The following SLIT2 variants were observed in gnomAD, a reference collection of about 807,000 sequenced individuals.
SLIT2 encodes slit homolog 2 protein.
SLIT2 carries 41 observed loss-of-function variants against 185.7 expected under a neutral mutation model. The ratio of observed to expected loss-of-function variants is 0.22; its 90% confidence interval spans 0.17 to 0.29. SLIT2 has a LOEUF of 0.29. Ranked by LOEUF, SLIT2 falls within the 10% of genes least tolerant of loss-of-function variation. SLIT2 has a pLI of 1.00. For synonymous variants in SLIT2, 693 were observed against 680.2 expected (o/e 1.02, Z -0.29); for missense variants, 1,571 against 1,909.0 (o/e 0.82, Z 3.30).
chr4:20,490,148 T>C (rs1016497151), intron 8 of SLIT2, among the ~76,000 whole-genome samples: 9 of 152,176 alleles, frequency 5.9e-5, no homozygotes, highest in African/African-American at 2.2e-4. Flanking sequence ...CTGTGTCTAA[T>C]ATCAATCAAT....
intron 4 of SLIT2, among the ~76,000 whole-genome samples, chr4:20,277,109 C>A (rs1023215806): frequency 1.2e-4 from 19 of 152,072 alleles, no homozygotes; most frequent in African/African-American, 4.6e-4. Flanking sequence ...AACACCAAGA[C>A]TTTTATTACC....
chr4:20,582,401 A>G (rs1381524929), intron 29 of SLIT2, among the ~76,000 whole-genome samples: 1 of 152,186 alleles, frequency 6.6e-6, no homozygotes, highest in African/African-American at 2.4e-5. Context: ...AATTTTATGC[A>G]TATAGTAGTC....
intron 4 of SLIT2, among the ~76,000 whole-genome samples, chr4:20,449,296 A>C (rs1298663022): frequency 6.6e-6 from 1 of 152,146 alleles, no homozygotes; most frequent in Non-Finnish European, 1.5e-5. Context: ...TGCCCATGGG[A>C]AATTATTGAA....
At chr4:20,524,719 A>G (rs1463458201) in intron 14 of SLIT2, among the ~76,000 whole-genome samples, 2 of 152,222 alleles carry the variant, frequency 1.3e-5, no homozygotes, top group Non-Finnish European at 2.9e-5. Flanking sequence ...TCCAAAAGCT[A>G]TTTTTAAAAA....
chr4:20,473,929 T>G (rs898791365), intron 5 of SLIT2, among the ~76,000 whole-genome samples: 4 of 152,078 alleles, frequency 2.6e-5, no homozygotes. Context: ...TTTTTCTGTT[T>G]AGTTCATTGG....
chr4:20,316,787 G>A (rs1718628756), intron 4 of SLIT2, among the ~76,000 whole-genome samples: 1 of 148,976 alleles, frequency 6.7e-6, no homozygotes, highest in Middle Eastern at 3.5e-3. Flanking sequence ...GTATATTTGG[G>A]TAGCATTATT....
At chr4:20,617,694 G>A (rs1729785842) in intron 36 of SLIT2, 44 bp downstream of exon 36, 3 of 1,264,114 alleles carry the variant, frequency 2.4e-6, no homozygotes, top group East Asian at 2.5e-5. Flanking sequence ...GGCAAAGCAA[G>A]AGGGGTCCCA....
intron 4 of SLIT2, among the ~76,000 whole-genome samples, chr4:20,369,548 T>G (rs1405604937): frequency 6.6e-6 from 1 of 152,110 alleles, no homozygotes; most frequent in Non-Finnish European, 1.5e-5. Flanking sequence ...CGGAAAACGT[T>G]TGCCAGCCCC....
At chr4:20,453,812 T>C (rs1712747518) in intron 4 of SLIT2, among the ~76,000 whole-genome samples, 1 of 152,190 alleles carries the variant, frequency 6.6e-6, no homozygotes, top group African/African-American at 2.4e-5. Flanking sequence ...CCAAGCATTG[T>C]ACAAGCTCTA....
intron 4 of SLIT2, among the ~76,000 whole-genome samples, chr4:20,370,561 A>G (rs1723487847): frequency 6.6e-6 from 1 of 152,126 alleles, no homozygotes; most frequent in Non-Finnish European, 1.5e-5. Flanking sequence ...CAGAGACTCC[A>G]ATACTGGATT....
At position 20,542,429 on chromosome 4, in the gene SLIT2, A is replaced by G. The variant is rs1435806647; in HGVS notation, c.2144-65A>G. 6 of 1,516,794 alleles carry G rather than the reference A, an allele frequency of 4.0e-6. No homozygotes were observed. In the Admixed American group the frequency reaches 1.1e-4, roughly 27 times the overall value. 94.0% of individuals were successfully genotyped at this position (1,516,794 alleles called of 1,614,324 possible). On this transcript the variant is annotated intron_variant, in intron 20 of 36. Coordinates refer to ENST00000504154, the MANE Select transcript of SLIT2 (RefSeq NM_004787.4). ...GTTTGTTAAGTTAATTTAAAGGCAT[A>G]AAATCCCTTCTAGCACCTTCAAGAC...
Position 20,533,671 on chromosome 4 carries a change from T to C in SLIT2, c.1788T>C (p.Asn596=), listed in dbSNP as rs777875058. The C allele has an allele frequency of 3.7e-6, 6 of 1,613,734 alleles. No homozygotes were observed. In the African/African-American group the frequency reaches 8.0e-5, roughly 22 times the overall value. The change falls in exon 18 of 37, where the codon AAT becomes AAC. Residue 596 remains asparagine (N), a synonymous_variant. Transcript: ENST00000504154. ...TTCTTACGAGTAATCGTTTGGAAAA[T>C]GTGCAGCATAAGATGTTCAAGGGAT... ...EILLTSNRLE[N]VQHKMFKGLE...
intron 4 of SLIT2, among the ~76,000 whole-genome samples, chr4:20,280,835 T>C (rs947974995): frequency 1.5e-5 from 2 of 132,774 alleles, no homozygotes; most frequent in Admixed American, 7.7e-5. Flanking sequence ...AAAAAAATGT[T>C]TTTTTTTTTT....
intron 4 of SLIT2, among the ~76,000 whole-genome samples, chr4:20,383,802 A>T (rs1202222901): frequency 6.6e-6 from 1 of 152,104 alleles, no homozygotes; most frequent in Non-Finnish European, 1.5e-5. Context: ...TCCCGGATTC[A>T]AGTGATTCTC....
intron 34 of SLIT2, among the ~76,000 whole-genome samples, chr4:20,613,873 T>C (rs1489127344): frequency 6.6e-6 from 1 of 151,896 alleles, no homozygotes; most frequent in Non-Finnish European, 1.5e-5. Context: ...CTTGACACAA[T>C]TTTTTTTGTT....
chr4:20,448,662 A>C (rs1712102227), intron 4 of SLIT2, among the ~76,000 whole-genome samples: 2 of 151,724 alleles, frequency 1.3e-5, no homozygotes, highest in Admixed American at 1.3e-4. Flanking sequence ...TTTGTGAGAC[A>C]GGGTCTTGCT....
At chr4:20,357,163 G>A (rs1304638629) in intron 4 of SLIT2, among the ~76,000 whole-genome samples, 3 of 151,978 alleles carry the variant, frequency 2.0e-5, no homozygotes, top group African/African-American at 7.3e-5. Context: ...TCCCATCAAG[G>A]TTACATCATG....
At chr4:20,333,462 C>T (rs1357536223) in intron 4 of SLIT2, among the ~76,000 whole-genome samples, 1 of 152,074 alleles carries the variant, frequency 6.6e-6, no homozygotes, top group South Asian at 2.1e-4. Context: ...CCTTGTTTCT[C>T]CCTCTCCCTC....
chr4:20,561,977 A>G (rs1406197072), intron 26 of SLIT2, among the ~76,000 whole-genome samples: 1 of 151,868 alleles, frequency 6.6e-6, no homozygotes, highest in Non-Finnish European at 1.5e-5. Context: ...TGCCCTTTCC[A>G]TGTAATTTTG....
Sources: allele counts gnomAD v4.1 joint callset (sites outside exome capture counted in the v4.1 genomes callset), GRCh38; gene constraint gnomAD v4.1.1; transcripts MANE v1.5; gene names NCBI Gene and HGNC (gene_info 2026-07-23, HGNC 2026-07-21).